XKR4: variants seen among roughly 807,000 people sequenced by gnomAD.
The protein encoded by XKR4 is XK-related protein 4.
In XKR4, 12 loss-of-function variants were observed where a neutral mutation model predicts 53.9. The observed-to-expected ratio is 0.22, with a 90% CI of 0.14 to 0.36. The LOEUF (loss-of-function observed/expected upper bound fraction) is 0.36. Ranked by LOEUF, XKR4 falls within the 10% of genes least tolerant of loss-of-function variation. The pLI is 1.00. For synonymous variants in XKR4, 354 were observed against 362.4 expected, an observed-to-expected ratio of 0.98 and a Z score of 0.26; for missense variants, 799 against 859.5, an observed-to-expected ratio of 0.93 and a Z score of 0.88.
chr8:55,460,925 G>C (rs1336438444), intron 2 of XKR4, among the ~76,000 whole-genome samples: 1 of 152,244 alleles, frequency 6.6e-6, no homozygotes. Context: ...TGGCAGCGAG[G>C]CTGGGGGAGG....
intron 1 of XKR4, among the ~76,000 whole-genome samples, chr8:55,271,290 TAGTA>T (rs1216137497): frequency 6.6e-6 from 1 of 152,188 alleles, no homozygotes; most frequent in Non-Finnish European, 1.5e-5. Flanking sequence ...CATTAATTAA[TAGTA>T]AGCTAAAAAG....
intron 2 of XKR4, among the ~76,000 whole-genome samples, chr8:55,425,424 T>TCAC: frequency 6.6e-6 from 1 of 151,726 alleles, no homozygotes; most frequent in African/African-American, 2.4e-5. Context: ...GCCTCTCTCA[T>TCAC]CATCTCGATG....
intron 2 of XKR4, among the ~76,000 whole-genome samples, chr8:55,394,784 C>T (rs112018150): frequency 6.6e-6 from 1 of 152,260 alleles, no homozygotes; most frequent in East Asian, 1.9e-4. Flanking sequence ...AATTATCTGG[C>T]CTTCATACAC....
At chr8:55,457,252 C>T (rs1455291244) in intron 2 of XKR4, among the ~76,000 whole-genome samples, 1 of 151,468 alleles carries the variant, frequency 6.6e-6, no homozygotes, top group Non-Finnish European at 1.5e-5. Context: ...ACGCCATTCT[C>T]CTGCCTCAGC....
chr8:55,446,434 A>G (rs1356711381), intron 2 of XKR4, among the ~76,000 whole-genome samples: 3 of 152,028 alleles, frequency 2.0e-5, no homozygotes, highest in Admixed American at 6.6e-5. Flanking sequence ...CTCCATCTCC[A>G]GGGTTCAAGT....
chr8:55,428,579 C>A (rs187986819), intron 2 of XKR4, among the ~76,000 whole-genome samples: 1 of 152,302 alleles, frequency 6.6e-6, no homozygotes, highest in Non-Finnish European at 1.5e-5. Flanking sequence ...GAGAAGAAGT[C>A]CGGACTTTCA....
Position 55,524,191 on chromosome 8 carries a change from T to C in XKR4, c.1917T>C (p.Leu639=), listed in dbSNP as rs765780830. The C allele has an allele frequency of 6.2e-7, 1 of 1,614,090 alleles. No individual in the cohort carries two copies. The highest frequency in any genetic ancestry group is 1.3e-5 in the African/African-American group (1 of 75,056). ...GGCTGCAGTACAAAGATGATGCCCT[T>C]ATTCAGGAGCGGTTGGAGTACGAAA... ...PPRLQYKDDA[L]IQERLEYETT... is the part of the protein sequence containing the mutation. The change falls in exon 3 of 3, where the codon CTT becomes CTC. Residue 639 remains leucine (L), a synonymous_variant. Transcript: ENST00000327381.
intron 2 of XKR4, among the ~76,000 whole-genome samples, chr8:55,473,247 C>A (rs2975961): frequency 0.4 from 60,016 of 151,930 alleles, 12,827 homozygotes; most frequent in East Asian, 0.53. Context: ...TAAATTAATC[C>A]TCACACCCAT....
At chr8:55,215,818 C>G in intron 1 of XKR4, among the ~76,000 whole-genome samples, 1 of 152,052 alleles carries the variant, frequency 6.6e-6, no homozygotes, top group South Asian at 2.1e-4. Context: ...GAAATATTTC[C>G]TTTAAAATCA....
chr8:55,436,210 C>T (rs529015117), intron 2 of XKR4, among the ~76,000 whole-genome samples: 1 of 152,212 alleles, frequency 6.6e-6, no homozygotes, highest in African/African-American at 2.4e-5. Flanking sequence ...AACAGGTTCT[C>T]GATTCCCACA....
intron 1 of XKR4, among the ~76,000 whole-genome samples, chr8:55,106,505 G>C (rs1454047365): frequency 6.6e-6 from 1 of 152,122 alleles, no homozygotes; most frequent in East Asian, 1.9e-4. Flanking sequence ...GAATGCGAAA[G>C]TACTTTCCTT....
At chr8:55,508,311 A>G (rs1806576313) in intron 2 of XKR4, among the ~76,000 whole-genome samples, 1 of 152,124 alleles carries the variant, frequency 6.6e-6, no homozygotes, top group Non-Finnish European at 1.5e-5. Context: ...GTATTTTTTT[A>G]TCAGCAAAAA....
chr8:55,171,395 G>GTT (rs1373496199), intron 1 of XKR4, among the ~76,000 whole-genome samples: 3 of 152,262 alleles, frequency 2.0e-5, no homozygotes, highest in Admixed American at 2.0e-4. Context: ...CTAGCACTCA[G>GTT]CCATAGACTT....
intron 1 of XKR4, among the ~76,000 whole-genome samples, chr8:55,138,270 T>G (rs1816658392): frequency 6.6e-6 from 1 of 152,162 alleles, no homozygotes; most frequent in Admixed American, 6.6e-5. Context: ...AGGGAGAACT[T>G]GAAGTCAATG....
intron 2 of XKR4, among the ~76,000 whole-genome samples, chr8:55,466,530 A>C (rs1461997552): frequency 6.6e-6 from 1 of 152,088 alleles, no homozygotes. Context: ...GATATACCTA[A>C]TGCTAAATGA....
At chr8:55,499,075 T>A (rs1023992890) in intron 2 of XKR4, among the ~76,000 whole-genome samples, 5 of 152,254 alleles carry the variant, frequency 3.3e-5, no homozygotes, top group African/African-American at 7.2e-5. Context: ...TTTGGTCTTC[T>A]CCTGGTTACT....
intron 1 of XKR4, among the ~76,000 whole-genome samples, chr8:55,178,715 A>G (rs927626045): frequency 6.6e-6 from 1 of 152,036 alleles, no homozygotes; most frequent in African/African-American, 2.4e-5. Flanking sequence ...ACTTCTTTTG[A>G]CCTCCATTTC....
At chr8:55,346,521 A>C (rs1031802198) in intron 1 of XKR4, among the ~76,000 whole-genome samples, 2 of 152,208 alleles carry the variant, frequency 1.3e-5, no homozygotes. Context: ...ATTTTAAGTT[A>C]TTGTTACTAT....
chr8:55,234,681 A>G (rs142562299), intron 1 of XKR4, among the ~76,000 whole-genome samples: 6 of 152,356 alleles, frequency 3.9e-5, no homozygotes, highest in Middle Eastern at 6.8e-3. Flanking sequence ...TTTAATAGGC[A>G]TTGTAATCTG....
Sources: gnomAD v4.1 joint callset for allele counts (sites outside exome capture counted in the v4.1 genomes callset) on GRCh38, gnomAD v4.1.1 for gene constraint, MANE v1.5 for transcripts, NCBI Gene and HGNC (gene_info 2026-07-23, HGNC 2026-07-21) for gene names.